The following POC1A variants were observed in gnomAD, a reference collection of about 807,000 sequenced individuals.
The protein encoded by POC1A is POC1 centriolar protein homolog A.
In POC1A, 34 loss-of-function variants were observed where a neutral mutation model predicts 47.8. The ratio of observed to expected loss-of-function variants is 0.71; its 90% CI spans 0.54 to 0.95. The LOEUF (loss-of-function observed/expected upper bound fraction) is 0.95. Ranked by LOEUF, POC1A falls within the 40% of genes least tolerant of loss-of-function variation. The probability of loss-of-function intolerance (pLI) is 0.00; values close to 1 mark genes in which losing one functional copy is unlikely to be tolerated. For missense variants in POC1A, 466 were observed against 528.3 expected (o/e 0.88, Z 1.16); for synonymous variants, 177 against 207.6 (o/e 0.85, Z 1.27).
intron 4 of POC1A, among the ~76,000 whole-genome samples, chr3:52,147,980 G>A (rs78072355): frequency 6.6e-6 from 1 of 151,984 alleles, no homozygotes; most frequent in African/African-American, 2.4e-5. Flanking sequence ...AAAAAAAAAG[G>A]TGCCTGCCTC....
intron 9 of POC1A, among the ~76,000 whole-genome samples, chr3:52,106,063 C>T (rs970811350): frequency 2.0e-5 from 3 of 150,610 alleles, no homozygotes; most frequent in Admixed American, 6.6e-5. Flanking sequence ...GGCGAGGTGG[C>T]GGGCGCCTGT....
At chr3:52,130,031 T>C (rs1400438839) in intron 7 of POC1A, among the ~76,000 whole-genome samples, 2 of 152,184 alleles carry the variant, frequency 1.3e-5, no homozygotes, top group African/African-American at 4.8e-5. Flanking sequence ...CTCGCTGCTC[T>C]CCTCATCCTC....
intron 7 of POC1A, among the ~76,000 whole-genome samples, chr3:52,129,378 C>T (rs1475387626): frequency 6.6e-6 from 1 of 152,244 alleles, no homozygotes; most frequent in African/African-American, 2.4e-5. Flanking sequence ...TTTTTGGAGA[C>T]TGTTCTACCC....
chr3:52,141,865 C>T (rs1163275001), intron 6 of POC1A, among the ~76,000 whole-genome samples: 1 of 152,104 alleles, frequency 6.6e-6, no homozygotes, highest in Non-Finnish European at 1.5e-5. Context: ...CCCTCCATGA[C>T]AATGTATCAG....
intron 10 of POC1A, among the ~76,000 whole-genome samples, chr3:52,080,319 A>T (rs1379365420): frequency 2.0e-5 from 3 of 152,040 alleles, no homozygotes. Flanking sequence ...GTCCCATCCC[A>T]CTTCCAGCCC....
chr3:52,151,090 G>A lies in POC1A; in HGVS notation c.29C>T (p.Ser10Leu), dbSNP rs745428642. Residue 10 changes from serine (S) to leucine (L), a missense_variant, in exon 2 of 11, where the codon TCG (serine) becomes TTG (leucine). Ser to Leu is a moderately radical substitution (Grantham distance 145, BLOSUM62 -2). Transcript: ENST00000296484. MAAPCAEDP[S>L]LERHFKGHRD... is the part of the protein sequence containing the mutation. ...GTGGCCCTTAAAATGCCTTTCCAGC[G>A]AGGGGTCCTCCTGAGAGAGAGCCAG... The A allele has an allele frequency of 3.2e-5, 52 of 1,613,522 alleles. No homozygotes were observed. The highest frequency in any genetic ancestry group is 5.3e-5 in the African/African-American group (4 of 74,866).
At chr3:52,135,659 T>C (rs1284936988) in intron 7 of POC1A, among the ~76,000 whole-genome samples, 3 of 152,086 alleles carry the variant, frequency 2.0e-5, no homozygotes, top group South Asian at 4.2e-4. Flanking sequence ...GGCTGTGGTA[T>C]GGAGGTGAGC....
intron 9 of POC1A, among the ~76,000 whole-genome samples, chr3:52,111,663 A>T (rs1703392262): frequency 1.4e-5 from 2 of 147,124 alleles, no homozygotes; most frequent in African/African-American, 5.3e-5. Flanking sequence ...AAAAAAAAAA[A>T]AAAAAAAAAA....
intron 7 of POC1A, among the ~76,000 whole-genome samples, chr3:52,127,880 G>A (rs1436080036): frequency 6.6e-6 from 1 of 152,070 alleles, no homozygotes. Context: ...ATTTTTAGTA[G>A]AGACGGGGTT....
intron 6 of POC1A, among the ~76,000 whole-genome samples, chr3:52,142,212 G>A (rs1368915685): frequency 2.0e-5 from 3 of 152,252 alleles, no homozygotes; most frequent in Non-Finnish European, 4.4e-5. Flanking sequence ...TGTAAGGCAC[G>A]AAGCACATTA....
chr3:52,106,765 A>C (rs1464099367), intron 9 of POC1A, among the ~76,000 whole-genome samples: 4 of 152,296 alleles, frequency 2.6e-5, no homozygotes, highest in South Asian at 2.1e-4. Flanking sequence ...GCACAAACCA[A>C]GACTCTGTTC....
chr3:52,123,631 C>T (rs1703882854), intron 8 of POC1A, among the ~76,000 whole-genome samples: 1 of 152,174 alleles, frequency 6.6e-6, no homozygotes, highest in Non-Finnish European at 1.5e-5. Context: ...CACACACACC[C>T]TTGTTTACAG....
chr3:52,097,371 T>TG (rs1196722666), intron 9 of POC1A, among the ~76,000 whole-genome samples: 2 of 152,228 alleles, frequency 1.3e-5, no homozygotes, highest in Non-Finnish European at 2.9e-5. Context: ...AAGGCACCCC[T>TG]GGGCTGCTTC....
At chr3:52,127,217 C>T (rs777034965) in intron 7 of POC1A, among the ~76,000 whole-genome samples, 8 of 152,216 alleles carry the variant, frequency 5.3e-5, no homozygotes, top group South Asian at 2.1e-4. Context: ...TAAGACATCA[C>T]GGGCTGTGTG....
At position 52,142,070 on chromosome 3, in the gene POC1A, G is replaced by C. The variant is rs368580435; in HGVS notation, c.680-3768C>G. Among the ~76,000 whole-genome samples the C allele has an allele frequency of 2.4e-4, 36 of 152,366 alleles. 1 individual carries two copies. Among genetic ancestry groups the C allele is most frequent in the African/African-American group, 8.7e-4 (36 of 41,586 alleles). On this transcript the variant is annotated intron_variant, in intron 6 of 10. Transcript: ENST00000296484. Reference sequence around the variant, plus strand: ...ACAGAATGCCAGACTCAAAGGCCCTGAGGTGGAGACTCAGACCCATAGCTT... The same window carrying C: ...ACAGAATGCCAGACTCAAAGGCCCTCAGGTGGAGACTCAGACCCATAGCTT...
intron 7 of POC1A, among the ~76,000 whole-genome samples, chr3:52,128,173 T>C (rs1376888305): frequency 6.6e-6 from 1 of 152,180 alleles, no homozygotes; most frequent in Non-Finnish European, 1.5e-5. Flanking sequence ...CACTGAGTGA[T>C]GGCAGGTTTC....
At chr3:52,094,477 G>A (rs1197763427) in intron 10 of POC1A, among the ~76,000 whole-genome samples, 2 of 152,252 alleles carry the variant, frequency 1.3e-5, no homozygotes, top group African/African-American at 4.8e-5. Flanking sequence ...GGCTGTGGCT[G>A]GAACATCTCA....
At chr3:52,085,253 G>A (rs1702421911) in intron 10 of POC1A, among the ~76,000 whole-genome samples, 1 of 152,164 alleles carries the variant, frequency 6.6e-6, no homozygotes, top group Non-Finnish European at 1.5e-5. Context: ...TCCTGCACTA[G>A]GGCCTCCCAG....
intron 10 of POC1A, among the ~76,000 whole-genome samples, chr3:52,086,955 G>C (rs911477571): frequency 2.2e-4 from 34 of 152,356 alleles, no homozygotes; most frequent in Middle Eastern, 3.4e-3. Flanking sequence ...TGGAAATGCA[G>C]GGAACACAGG....
Sources: allele counts gnomAD v4.1 joint callset (sites outside exome capture counted in the v4.1 genomes callset), GRCh38; gene constraint gnomAD v4.1.1; transcripts MANE v1.5; gene names NCBI Gene and HGNC (gene_info 2026-07-23, HGNC 2026-07-21).